The following RAB11B variants were observed in gnomAD, a reference collection of about 807,000 sequenced individuals.
RAB11B encodes the protein ras-related protein Rab-11B.
A neutral mutation model predicts 23.7 loss-of-function variants in RAB11B; 7 were observed. The observed-to-expected ratio is 0.29, with a 90% CI of 0.17 to 0.55. RAB11B has a LOEUF of 0.55. Among genes scored for constraint, RAB11B ranks in the 20% least tolerant of loss-of-function variants. The pLI, the probability that RAB11B is intolerant of heterozygous loss-of-function variation, is 0.93. For synonymous variants in RAB11B, 138 were observed against 132.0 expected, an observed-to-expected ratio of 1.05 and a Z score of -0.31; for missense variants, 189 against 320.0, an observed-to-expected ratio of 0.59 and a Z score of 3.12.
intron 2 of RAB11B, among the ~76,000 whole-genome samples, chr19:8,401,535 T>G (rs1457526264): frequency 6.8e-6 from 1 of 146,860 alleles, no homozygotes; most frequent in African/African-American, 2.5e-5. Flanking sequence ...TACAGGCGCC[T>G]GCCACCACGC....
At chr19:8,397,141 G>A (rs767380110) in intron 1 of RAB11B, among the ~76,000 whole-genome samples, 6 of 152,212 alleles carry the variant, frequency 3.9e-5, no homozygotes. Context: ...GTAGGTGAGC[G>A]GTGGGTGAGC....
chr19:8,401,329 C>T (rs192731907), intron 2 of RAB11B, among the ~76,000 whole-genome samples: 2,718 of 151,812 alleles, frequency 0.018, 88 homozygotes, highest in African/African-American at 0.062. Flanking sequence ...ATCTGCCCGC[C>T]TCGGCCTCCC....
intron 1 of RAB11B, among the ~76,000 whole-genome samples, chr19:8,392,224 C>A (rs1377192371): frequency 6.6e-6 from 1 of 152,094 alleles, no homozygotes; most frequent in South Asian, 2.1e-4. Flanking sequence ...GTGGTTATCC[C>A]CTGCTTGTTA....
chr19:8,393,276 C>T (rs1254915090), intron 1 of RAB11B, among the ~76,000 whole-genome samples: 2 of 152,216 alleles, frequency 1.3e-5, no homozygotes, highest in Non-Finnish European at 2.9e-5. Context: ...TCCATGGTTG[C>T]AGCTGTGTCC....
At chr19:8,394,996 G>GA (rs1971385574) in intron 1 of RAB11B, among the ~76,000 whole-genome samples, 1 of 152,244 alleles carries the variant, frequency 6.6e-6, no homozygotes, top group Non-Finnish European at 1.5e-5. Context: ...CTGGGGCAAG[G>GA]CTGGAATGGT....
chr19:8,395,621 A>C (rs1056964709), intron 1 of RAB11B, among the ~76,000 whole-genome samples: 3 of 152,154 alleles, frequency 2.0e-5, no homozygotes, highest in Non-Finnish European at 4.4e-5. Context: ...GTGACGTGAG[A>C]GAATGCCAGC....
At chr19:8,391,667 C>T (rs1032332795) in intron 1 of RAB11B, among the ~76,000 whole-genome samples, 18 of 152,148 alleles carry the variant, frequency 1.2e-4, no homozygotes, top group African/African-American at 4.1e-4. Context: ...GCGGCCTGCT[C>T]TATGAGGGCC....
In RAB11B at chr19:8,390,474, C is replaced by A; in HGVS notation, c.40+18C>A. 6.7e-7 allele frequency: 1 copy of A among 1,493,660 alleles called. No homozygotes were observed. The highest frequency in any genetic ancestry group is 8.9e-7 in the Non-Finnish European group (1 of 1,123,308). The allele number at this position is 1,493,660 out of a possible 1,614,324, so 92.5% of individuals were successfully genotyped here. Reference sequence around the variant, plus strand: ...ATTCAAAGGTGCGGCCGGTGGGGCACAGACGGGCGAAGTCGTGGCGGCGAG... The same window carrying A: ...ATTCAAAGGTGCGGCCGGTGGGGCAAAGACGGGCGAAGTCGTGGCGGCGAG... On this transcript the variant is annotated intron_variant, in intron 1 of 4. Transcript: ENST00000328024.
chr19:8,392,598 G>C (rs1971364886), intron 1 of RAB11B, among the ~76,000 whole-genome samples: 1 of 151,508 alleles, frequency 6.6e-6, no homozygotes, highest in Non-Finnish European at 1.5e-5. Flanking sequence ...TCCCAAACTG[G>C]TCATCTGCCG....
In RAB11B at chr19:8,396,105, G is replaced by C. The variant is rs1040541638; in HGVS notation, c.41-3758G>C. On this transcript the variant is annotated intron_variant, in intron 1 of 4. Coordinates refer to ENST00000328024, the MANE Select transcript of RAB11B (RefSeq NM_004218.4). The surrounding 1 kb of genome is among the most constrained non-coding windows in gnomAD (Gnocchi z 5.0). ...CTACAGGAGGCTTCTGCGAAGTAAC[G>C]CACATCAAGAGCTTTGTTAGCACAA... Among the ~76,000 whole-genome samples, 1 of 152,190 alleles carries C rather than the reference G, an allele frequency of 6.6e-6. No individual in the cohort carries two copies. The highest frequency in any genetic ancestry group is 1.5e-5 in the Non-Finnish European group (1 of 68,050).
In RAB11B at chr19:8,404,299, T is replaced by A. The variant is rs1300508726; in HGVS notation, c.*741T>A. ...TTTGTTAATGTAGAGAAACACAGAT[T>A]CTTTATACACTTTGTAAGATTTACG... On this transcript the variant is annotated 3_prime_UTR_variant, in exon 5 of 5. Transcript: ENST00000328024. The A allele has an allele frequency of 4.6e-5, 7 of 152,352 alleles. No homozygotes were observed. The South Asian group carries it at 1.0e-3, about 23-fold the overall frequency. The allele number at this position is 152,352 out of a possible 1,614,324, so 9.4% of individuals were successfully genotyped here. A position where few individuals can be genotyped will look rare whatever the true frequency, so the allele number is the denominator to read the frequency against.
chr19:8,398,517 G>A (rs899024695), intron 1 of RAB11B, among the ~76,000 whole-genome samples: 3 of 152,212 alleles, frequency 2.0e-5, no homozygotes, highest in Non-Finnish European at 4.4e-5. Context: ...CTCAGCAGGG[G>A]ACCTGACCCT....
Position 8,390,377 on chromosome 19 carries a change from G to T in RAB11B, c.-40G>T. On this transcript the variant is annotated 5_prime_UTR_variant, in exon 1 of 5. Coordinates refer to ENST00000328024, the MANE Select transcript of RAB11B (RefSeq NM_004218.4). ...CCGCCCCCGTCGGGTGTTTGTGGTG[G>T]GGCTGCGGAGTCGCCGATCCCGCCG... 1 of 1,519,996 alleles carries T rather than the reference G, an allele frequency of 6.6e-7. No individual in the cohort carries two copies. Among genetic ancestry groups the T allele is most frequent in the Admixed American group, 2.3e-5 (1 of 43,518 alleles). The allele number at this position is 1,519,996 out of a possible 1,614,324, so 94.2% of individuals were successfully genotyped here.
chr19:8,390,612 C>A, intron 1 of RAB11B, 156 bp downstream of exon 1: 1 of 765,990 alleles, frequency 1.3e-6, no homozygotes, highest in Non-Finnish European at 1.8e-6. Flanking sequence ...GACCGGGCAG[C>A]ATCAGCTTCG....
chr19:8,398,292 T>C lies in RAB11B; in HGVS notation c.41-1571T>C, dbSNP rs144698525. Among the ~76,000 whole-genome samples, 249 of 152,314 alleles carry C rather than the reference T, an allele frequency of 1.6e-3. 1 individual carries two copies. Among genetic ancestry groups the C allele is most frequent in the Non-Finnish European group, 1.8e-3 (125 of 68,014 alleles). ...GGCTCAGGCCCCCGTCCCTGGGTGCTGTTGCCCACAAACCCTCATCTCTGT... is the reference window on the plus strand; with the variant it reads ...GGCTCAGGCCCCCGTCCCTGGGTGCCGTTGCCCACAAACCCTCATCTCTGT... On this transcript the variant is annotated intron_variant, in intron 1 of 4. Coordinates refer to ENST00000328024, the MANE Select transcript of RAB11B (RefSeq NM_004218.4).
At chr19:8,399,189 G>A (rs1468497798) in intron 1 of RAB11B, among the ~76,000 whole-genome samples, 2 of 151,852 alleles carry the variant, frequency 1.3e-5, no homozygotes, top group Admixed American at 6.6e-5. Context: ...TCCTGACCTC[G>A]TGATCCACCC....
intron 1 of RAB11B, among the ~76,000 whole-genome samples, chr19:8,391,732 G>T (rs1375058115): frequency 6.6e-6 from 1 of 152,048 alleles, no homozygotes; most frequent in Non-Finnish European, 1.5e-5. Context: ...TCCTCCGAGT[G>T]TGCTCTGTGG....
At chr19:8,390,641 T>C (rs1971340967) in intron 1 of RAB11B, 185 bp downstream of exon 1, 3 of 584,532 alleles carry the variant, frequency 5.1e-6, no homozygotes, top group African/African-American at 2.0e-5. Flanking sequence ...TGCGCGGCTA[T>C]ACGGAGCCGG....
intron 1 of RAB11B, among the ~76,000 whole-genome samples, chr19:8,392,685 CTTTTTTTTT>C (rs74176644): frequency 2.5e-4 from 20 of 79,668 alleles, no homozygotes; most frequent in African/African-American, 5.0e-4. Context: ...TTTTTCTTTT[CTTTTTTTTT>C]TTTTTTTTTT....
Sources: allele counts gnomAD v4.1 joint callset (sites outside exome capture counted in the v4.1 genomes callset), GRCh38; gene constraint gnomAD v4.1.1; non-coding constraint Gnocchi (gnomAD v3.1); transcripts MANE v1.5; gene names NCBI Gene and HGNC (gene_info 2026-07-23, HGNC 2026-07-21).